The following IGF1R variants were observed in gnomAD, a reference collection of about 807,000 sequenced individuals.
The protein encoded by IGF1R is insulin like growth factor 1 receptor.
A neutral mutation model predicts 144.6 loss-of-function variants in IGF1R; 44 were observed. The observed-to-expected ratio is 0.30, with a 90% confidence interval of 0.24 to 0.39. The LOEUF (loss-of-function observed/expected upper bound fraction) is 0.39. IGF1R is among the 10% of genes least tolerant of loss of function. The probability of loss-of-function intolerance (pLI) is 1.00; values close to 1 mark genes in which losing one functional copy is unlikely to be tolerated. For synonymous variants in IGF1R, 795 were observed against 722.8 expected (o/e 1.10, Z -1.60); for missense variants, 1,355 against 1,833.7 (o/e 0.74, Z 4.77).
chr15:98,765,538 C>T (rs1163876684), intron 2 of IGF1R, among the ~76,000 whole-genome samples: 4 of 151,482 alleles, frequency 2.6e-5, no homozygotes, highest in East Asian at 1.9e-4. Context: ...TGGCCAGGCT[C>T]GTCTCGAACT....
chr15:98,893,788 C>T (rs2014045567), intron 3 of IGF1R, among the ~76,000 whole-genome samples: 1 of 152,186 alleles, frequency 6.6e-6, no homozygotes, highest in Non-Finnish European at 1.5e-5. Context: ...GCCATTATTT[C>T]CCCTATTCAT....
At chr15:98,943,086 G>GC in intron 19 of IGF1R, 34 bp downstream of exon 19, 1 of 1,613,350 alleles carries the variant, frequency 6.2e-7, no homozygotes, top group Non-Finnish European at 8.5e-7. Context: ...CCAGCCTGGA[G>GC]CCCCCAGCCT....
At chr15:98,937,391 G>A (rs2016195396) in intron 17 of IGF1R, among the ~76,000 whole-genome samples, 2 of 152,152 alleles carry the variant, frequency 1.3e-5, no homozygotes, top group African/African-American at 2.4e-5. Context: ...CTGGCTGCCT[G>A]TGGTCCTCAG....
chr15:98,823,656 C>T (rs1160966845), intron 2 of IGF1R, among the ~76,000 whole-genome samples: 1 of 152,174 alleles, frequency 6.6e-6, no homozygotes, highest in Non-Finnish European at 1.5e-5. Context: ...GGTCTGAGCC[C>T]AGTGGCATCT....
rs958131006 is a variant in IGF1R at position 98,704,435 on chromosome 15, G to A, written c.95-3127G>A. Among the ~76,000 whole-genome samples the A allele has an allele frequency of 1.3e-5, 2 of 152,126 alleles. No homozygotes were observed. Among genetic ancestry groups the A allele is most frequent in the South Asian group, 4.1e-4 (2 of 4,830 alleles). ...AGAGGAGGAGCTCGGTGTGTTGGAG[G>A]TTGGTGAGTCCCGTGGAGTCTTGTC... On this transcript the variant is annotated intron_variant, in intron 1 of 20. Coordinates refer to ENST00000650285, the MANE Select transcript of IGF1R (RefSeq NM_000875.5). This position sits in a 1 kb window ranked among gnomAD's most constrained non-coding sequence, Gnocchi z 4.9.
intron 6 of IGF1R, 135 bp from the exon 7 acceptor site, chr15:98,911,180 G>GCCACTGAGGAAGC: frequency 1.1e-6 from 1 of 923,474 alleles, no homozygotes; most frequent in Non-Finnish European, 1.7e-6. Flanking sequence ...AAACGAGAAA[G>GCCACTGAGGAAGC]CCACTGAGGA....
chr15:98,915,279 C>G (rs2015194784), intron 8 of IGF1R, among the ~76,000 whole-genome samples: 1 of 152,244 alleles, frequency 6.6e-6, no homozygotes, highest in South Asian at 2.1e-4. Flanking sequence ...GGCATTCATT[C>G]TGCTGGTGAC....
At chr15:98,847,591 G>C (rs149701353) in intron 2 of IGF1R, among the ~76,000 whole-genome samples, 44 of 152,238 alleles carry the variant, frequency 2.9e-4, no homozygotes, top group Non-Finnish European at 5.9e-4. Context: ...GGAAATGCTC[G>C]TTTATAACCA....
At chr15:98,795,203 G>C (rs964114144) in intron 2 of IGF1R, among the ~76,000 whole-genome samples, 13 of 152,150 alleles carry the variant, frequency 8.5e-5, no homozygotes, top group African/African-American at 2.9e-4. Context: ...TTTCTTTAAA[G>C]TTCAAAATGG....
In IGF1R at chr15:98,960,807, C is replaced by T. The variant is rs1045414656; in HGVS notation, c.*3365C>T. On this transcript the variant is annotated 3_prime_UTR_variant, in exon 21 of 21. Transcript: ENST00000650285. Reference sequence around the variant, plus strand: ...CCCCTCCCCCTCCAGGCTGCCCTCTCAACTTCTCCCTCACCTCCTTCCCTA... The same window carrying T: ...CCCCTCCCCCTCCAGGCTGCCCTCTTAACTTCTCCCTCACCTCCTTCCCTA... 29 of 233,938 alleles carry T rather than the reference C, an allele frequency of 1.2e-4. No homozygotes were observed. The Admixed American group carries it at 1.5e-3, about 12-fold the overall frequency. The allele number at this position is 233,938 out of a possible 1,614,324, so 14.5% of individuals were successfully genotyped here.
intron 2 of IGF1R, among the ~76,000 whole-genome samples, chr15:98,805,676 T>C (rs1465496785): frequency 6.6e-6 from 1 of 152,206 alleles, no homozygotes; most frequent in East Asian, 1.9e-4. Flanking sequence ...TTTAACTAAT[T>C]AAATCTTTAA....
At chr15:98,908,616 C>A in intron 5 of IGF1R, 69 bp from the exon 6 acceptor site, 1 of 1,165,832 alleles carries the variant, frequency 8.6e-7, no homozygotes, top group Non-Finnish European at 1.3e-6. Context: ...ACCTGTGTTA[C>A]GTGGCCAGCA....
chr15:98,746,182 C>T (rs186768127), intron 2 of IGF1R, among the ~76,000 whole-genome samples: 112 of 152,264 alleles, frequency 7.4e-4, no homozygotes, highest in Non-Finnish European at 1.3e-3. Context: ...TTTGTGCAGA[C>T]TGACACTAGA....
chr15:98,656,248 G>T (rs2052481618), intron 1 of IGF1R, among the ~76,000 whole-genome samples: 1 of 152,174 alleles, frequency 6.6e-6, no homozygotes, highest in Admixed American at 6.5e-5. Flanking sequence ...CGATAGCTGG[G>T]CCTACCTTAC....
intron 2 of IGF1R, among the ~76,000 whole-genome samples, chr15:98,778,967 CAGAAG>C (rs909167471): frequency 2.6e-5 from 4 of 152,338 alleles, no homozygotes; most frequent in African/African-American, 9.6e-5. Flanking sequence ...CCATGAAAAG[CAGAAG>C]AGTAGTTTCT....
At chr15:98,793,089 T>A (rs1301773339) in intron 2 of IGF1R, among the ~76,000 whole-genome samples, 1 of 152,222 alleles carries the variant, frequency 6.6e-6, no homozygotes, top group East Asian at 1.9e-4. Flanking sequence ...TGGCCACTGT[T>A]AGATATTACT....
intron 1 of IGF1R, among the ~76,000 whole-genome samples, chr15:98,674,171 T>A (rs2141201910): frequency 6.6e-6 from 1 of 152,272 alleles, no homozygotes; most frequent in East Asian, 1.9e-4. Flanking sequence ...AATCTGATTG[T>A]TGCATTGAAA....
rs1423078666 is a variant in IGF1R at position 98,960,513 on chromosome 15, AGAG to A, written c.*3074_*3076del. The A allele has an allele frequency of 8.6e-6, 2 of 233,228 alleles. No homozygotes were observed. The highest frequency in any genetic ancestry group is 1.2e-4 in the East Asian group (2 of 16,602). The allele number at this position is 233,228 out of a possible 1,614,324, so 14.4% of individuals were successfully genotyped here. A position where few individuals can be genotyped will look rare whatever the true frequency, so the allele number is the denominator to read the frequency against. ...AGCAGTGGTTCCTCAGGTTCTGAGG[AGAG>A]GAAGGTGTCCAGGCAGCACCATCTC... On this transcript the variant is annotated 3_prime_UTR_variant, in exon 21 of 21. Transcript: ENST00000650285.
At chr15:98,830,120 C>A (rs2056973363) in intron 2 of IGF1R, among the ~76,000 whole-genome samples, 1 of 152,176 alleles carries the variant, frequency 6.6e-6, no homozygotes, top group African/African-American at 2.4e-5. Flanking sequence ...TTCAGCAGAC[C>A]CTTCGAGATC....
Sources: allele counts gnomAD v4.1 joint callset (sites outside exome capture counted in the v4.1 genomes callset), GRCh38; gene constraint gnomAD v4.1.1; non-coding constraint Gnocchi (gnomAD v3.1); transcripts MANE v1.5; gene names NCBI Gene and HGNC (gene_info 2026-07-23, HGNC 2026-07-21).